The following DNAAF4 variants were observed in gnomAD, a reference collection of about 807,000 sequenced individuals.
The protein encoded by DNAAF4 is dynein axonemal assembly factor 4.
In DNAAF4, 43 loss-of-function variants were observed where a neutral mutation model predicts 51.8. That is an observed-to-expected ratio of 0.83 (90% CI 0.65 to 1.07). The LOEUF (loss-of-function observed/expected upper bound fraction) is 1.07. Among genes scored for constraint, DNAAF4 ranks in the 50% least tolerant of loss-of-function variants. DNAAF4 has a pLI of 0.00. For synonymous variants in DNAAF4, 194 were observed against 165.6 expected, an observed-to-expected ratio of 1.17 and a Z score of -1.32; for missense variants, 581 against 493.0, an observed-to-expected ratio of 1.18 and a Z score of -1.69.
intron 6 of DNAAF4, among the ~76,000 whole-genome samples, chr15:55,445,836 A>G (rs1397376965): frequency 1.5e-5 from 2 of 135,382 alleles, no homozygotes; most frequent in Non-Finnish European, 3.1e-5. Flanking sequence ...GGCGCTCCTC[A>G]CATCCCAGAC....
At chr15:55,471,306 G>C (rs1314529136) in intron 4 of DNAAF4, among the ~76,000 whole-genome samples, 1 of 152,068 alleles carries the variant, frequency 6.6e-6, no homozygotes, top group Non-Finnish European at 1.5e-5. Context: ...TAGAACAAAA[G>C]ATTTTCCTAT....
intron 7 of DNAAF4, among the ~76,000 whole-genome samples, chr15:55,424,257 TAC>T: frequency 6.6e-6 from 1 of 152,342 alleles, no homozygotes; most frequent in East Asian, 1.9e-4. Flanking sequence ...TACTATGTGA[TAC>T]ATTCTGCCAT....
At chr15:55,425,241 A>G (rs2057420552) in intron 7 of DNAAF4, among the ~76,000 whole-genome samples, 1 of 152,160 alleles carries the variant, frequency 6.6e-6, no homozygotes, top group South Asian at 2.1e-4. Context: ...CACCATCAAT[A>G]TCTGATCACC....
intron 4 of DNAAF4, among the ~76,000 whole-genome samples, chr15:55,484,556 C>T (rs1384784200): frequency 1.3e-5 from 2 of 151,516 alleles, no homozygotes; most frequent in African/African-American, 4.9e-5. Flanking sequence ...GATACAAGCC[C>T]AAAACAATTG....
At chr15:55,500,767 C>T (rs948133297) in intron 1 of DNAAF4, among the ~76,000 whole-genome samples, 56 of 151,864 alleles carry the variant, frequency 3.7e-4, no homozygotes, top group African/African-American at 1.3e-3. Flanking sequence ...CCGAGGTGGG[C>T]GGATCACCTG....
At chr15:55,420,626 C>T (rs1453751237) in intron 7 of DNAAF4, among the ~76,000 whole-genome samples, 1 of 152,138 alleles carries the variant, frequency 6.6e-6, no homozygotes, top group African/African-American at 2.4e-5. Context: ...AGTAATGGCA[C>T]AAGCAAGAAG....
At chr15:55,491,002 A>G in intron 4 of DNAAF4, 121 bp downstream of exon 4, 1 of 1,165,404 alleles carries the variant, frequency 8.6e-7, no homozygotes, top group Non-Finnish European at 1.2e-6. Context: ...TATATAACAT[A>G]GTAAGTCCTC....
intron 6 of DNAAF4, chr15:55,443,063 T>A (rs536268191): frequency 6.2e-7 from 1 of 1,610,992 alleles, no homozygotes; most frequent in East Asian, 2.2e-5. Flanking sequence ...TTCATAAGCT[T>A]TGGGTCAAGA....
chr15:55,453,792 C>T (rs908545280), intron 5 of DNAAF4, among the ~76,000 whole-genome samples: 3 of 151,826 alleles, frequency 2.0e-5, no homozygotes, highest in African/African-American at 7.3e-5. Flanking sequence ...CCTCGTGATC[C>T]ACCCACCTCG....
chr15:55,426,909 C>T (rs1229002537), downstream of DNAAF4, among the ~76,000 whole-genome samples: 1 of 152,208 alleles, frequency 6.6e-6, no homozygotes, highest in Non-Finnish European at 1.5e-5. Flanking sequence ...CCTGCTTCAG[C>T]TACCCTATAA....
At chr15:55,449,966 T>C (rs1407323510) in intron 6 of DNAAF4, among the ~76,000 whole-genome samples, 2 of 151,990 alleles carry the variant, frequency 1.3e-5, no homozygotes, top group Non-Finnish European at 2.9e-5. Context: ...CCCAAAGTGC[T>C]GGGATTGCAG....
intron 4 of DNAAF4, among the ~76,000 whole-genome samples, chr15:55,487,244 A>T (rs931785952): frequency 1.3e-5 from 2 of 152,192 alleles, no homozygotes; most frequent in African/African-American, 4.8e-5. Flanking sequence ...AAACATACCA[A>T]TCAGCACTCT....
intron 4 of DNAAF4, among the ~76,000 whole-genome samples, chr15:55,468,336 T>G (rs937817354): frequency 6.6e-6 from 1 of 152,220 alleles, no homozygotes; most frequent in African/African-American, 2.4e-5. Flanking sequence ...TCCTGTGAGA[T>G]GCTGACTTTA....
intron 1 of DNAAF4, among the ~76,000 whole-genome samples, chr15:55,505,771 TG>T (rs1451632465): frequency 7.7e-6 from 1 of 129,144 alleles, no homozygotes; most frequent in Admixed American, 8.3e-5. Flanking sequence ...TGTTGAGAGG[TG>T]GGGGGGCTGG....
chr15:55,433,950 A>ATATTTTATATAATATATTCTAATAT (rs1555413855), intron 8 of DNAAF4, among the ~76,000 whole-genome samples: 1 of 33,170 alleles, frequency 3.0e-5, no homozygotes, highest in Non-Finnish European at 6.1e-5. Flanking sequence ...TATATAATAT[A>ATATTTTATATAATATATTCTAATAT]TATAATATAT....
intron 4 of DNAAF4, among the ~76,000 whole-genome samples, chr15:55,488,960 G>A (rs982321799): frequency 6.6e-6 from 1 of 151,890 alleles, no homozygotes; most frequent in Non-Finnish European, 1.5e-5. Flanking sequence ...GTAGTGGCAG[G>A]CACCTGTAGT....
chr15:55,495,735 C>G (rs895494672), intron 3 of DNAAF4, among the ~76,000 whole-genome samples: 24 of 151,864 alleles, frequency 1.6e-4, no homozygotes, highest in African/African-American at 5.3e-4. Context: ...GATTCTATCT[C>G]TTAAAAAACT....
intron 1 of DNAAF4, 115 bp downstream of exon 1, chr15:55,508,007 A>G (rs2058735437): frequency 6.6e-6 from 1 of 152,136 alleles, no homozygotes; most frequent in Non-Finnish European, 1.5e-5. Flanking sequence ...AAGTTCTGGA[A>G]GTGGGGCACA....
At chr15:55,463,891 T>A (rs1299248054) in intron 5 of DNAAF4, among the ~76,000 whole-genome samples, 1 of 152,086 alleles carries the variant, frequency 6.6e-6, no homozygotes, top group South Asian at 2.1e-4. Flanking sequence ...CCAAAAGCAA[T>A]CTACAAATTC....
Sources: gnomAD v4.1 joint callset for allele counts (sites outside exome capture counted in the v4.1 genomes callset) on GRCh38, gnomAD v4.1.1 for gene constraint, MANE v1.5 for transcripts, NCBI Gene and HGNC (gene_info 2026-07-23, HGNC 2026-07-21) for gene names.